CD72: variants seen among roughly 807,000 people sequenced by gnomAD.
CD72 encodes the protein CD72 molecule.
In CD72, 28 loss-of-function variants were observed where a neutral mutation model predicts 50.7. The ratio of observed to expected loss-of-function variants is 0.55; its 90% confidence interval spans 0.41 to 0.76. The LOEUF is 0.76. Among genes scored for constraint, CD72 ranks in the 30% least tolerant of loss-of-function variants. The pLI, the probability that CD72 is intolerant of heterozygous loss-of-function variation, is 0.00. For synonymous variants in CD72, 176 were observed against 171.2 expected (o/e 1.03, Z -0.22); for missense variants, 403 against 420.6 (o/e 0.96, Z 0.37).
intron 4 of CD72, 21 bp from the exon 5 acceptor site, chr9:35,616,299 G>C: frequency 6.3e-7 from 1 of 1,589,408 alleles, no homozygotes; most frequent in Non-Finnish European, 8.6e-7. Context: ...ACAGAGATTT[G>C]GTGGATGTCT....
At chr9:35,613,699 TA>T (rs1232935815) in intron 5 of CD72, among the ~76,000 whole-genome samples, 1 of 152,068 alleles carries the variant, frequency 6.6e-6, no homozygotes, top group African/African-American at 2.4e-5. Context: ...TATGGCAACT[TA>T]AAGGAATAAA....
At chr9:35,611,749 T>C in intron 7 of CD72, 55 bp downstream of exon 7, 1 of 930,064 alleles carries the variant, frequency 1.1e-6, no homozygotes, top group Non-Finnish European at 1.8e-6. Context: ...GATTACCATG[T>C]CTTTATGGAG....
chr9:35,624,700 C>G (rs890186471), intron 1 of CD72, among the ~76,000 whole-genome samples: 2 of 152,120 alleles, frequency 1.3e-5, no homozygotes, highest in Non-Finnish European at 2.9e-5. Flanking sequence ...TTATGGCAAC[C>G]CTGTGGCAAG....
At chr9:35,634,857 A>T (rs1823275088) in intron 1 of CD72, among the ~76,000 whole-genome samples, 1 of 152,138 alleles carries the variant, frequency 6.6e-6, no homozygotes, top group African/African-American at 2.4e-5. Flanking sequence ...TATTTAGCAT[A>T]TATGTTACAC....
chr9:35,610,513 TC>T, intron 8 of CD72, 88 bp downstream of exon 8: 1 of 900,844 alleles, frequency 1.1e-6, no homozygotes, highest in South Asian at 1.9e-5. Flanking sequence ...AAGTTTTCTC[TC>T]GGGCCCCTGG....
At chr9:35,611,762 G>T in intron 7 of CD72, 42 bp downstream of exon 7, 1 of 1,015,092 alleles carries the variant, frequency 9.9e-7, no homozygotes, top group Non-Finnish European at 1.6e-6. Flanking sequence ...TTATGGAGGG[G>T]ATTATGGAGT....
exon 1 of CD72, chr9:35,646,808 T>G (rs955115184): frequency 6.6e-6 from 1 of 152,282 alleles, no homozygotes; most frequent in African/African-American, 2.4e-5. Flanking sequence ...GGGCCCTCAC[T>G]GCGCGTCGTC....
intron 1 of CD72, among the ~76,000 whole-genome samples, chr9:35,633,251 A>G (rs190834656): frequency 5.0e-5 from 7 of 140,488 alleles, no homozygotes; most frequent in Non-Finnish European, 1.1e-4. Flanking sequence ...CCTTCTTAGT[A>G]TTTTTGTTTT....
chr9:35,624,355 T>A (rs930633179), upstream of CD72, among the ~76,000 whole-genome samples: 1 of 151,886 alleles, frequency 6.6e-6, no homozygotes, highest in Admixed American at 6.6e-5. Flanking sequence ...GACATCAGGA[T>A]GAGTTTATCA....
chr9:35,622,453 A>C (rs1052076118), upstream of CD72, among the ~76,000 whole-genome samples: 1 of 152,222 alleles, frequency 6.6e-6, no homozygotes, highest in African/African-American at 2.4e-5. Flanking sequence ...CAAGCCTTGC[A>C]ACAAGGCAAA....
upstream of CD72, among the ~76,000 whole-genome samples, chr9:35,623,499 T>A (rs1397009625): frequency 6.6e-6 from 1 of 152,218 alleles, no homozygotes; most frequent in East Asian, 1.9e-4. Context: ...TTGTGTTTTT[T>A]ATCCCATACT....
At chr9:35,624,223 TAATAATAATAATAATAATAATA>T (rs1823174347), upstream of CD72, among the ~76,000 whole-genome samples, 1 of 105,568 alleles carries the variant, frequency 9.5e-6, no homozygotes, top group South Asian at 2.6e-4. Flanking sequence ...AAAATAATAA[TAATAATAATAATAATAATAATA>T]ATAATAATAA....
At chr9:35,643,193 T>C (rs1326293875) in intron 1 of CD72, 1 of 152,276 alleles carries the variant, frequency 6.6e-6, no homozygotes, top group African/African-American at 2.4e-5. Flanking sequence ...GTGCCCTGTC[T>C]GTGTGGGCCC....
upstream of CD72, chr9:35,618,608 T>G (rs1248053348): frequency 1.6e-6 from 1 of 621,722 alleles, no homozygotes; most frequent in Non-Finnish European, 2.7e-6. Context: ...TTCCTCTCCA[T>G]GCATCTTAAA....
intron 1 of CD72, among the ~76,000 whole-genome samples, chr9:35,629,322 T>C (rs949177611): frequency 6.6e-6 from 1 of 152,186 alleles, no homozygotes; most frequent in African/African-American, 2.4e-5. Flanking sequence ...GAATTTTATT[T>C]TGAAACATTT....
chr9:35,623,479 G>A (rs780008682), upstream of CD72, among the ~76,000 whole-genome samples: 11 of 151,218 alleles, frequency 7.3e-5, no homozygotes, highest in Admixed American at 1.3e-4. Flanking sequence ...TTTTTGTTTT[G>A]TTTTTTACTT....
At chr9:35,618,507 C>A, upstream of CD72, 1 of 1,326,860 alleles carries the variant, frequency 7.5e-7, no homozygotes, top group South Asian at 1.3e-5. Context: ...AGAAGGCATC[C>A]CTGGGCCAGG....
At chr9:35,615,072 G>GGA (rs1213869424) in intron 5 of CD72, among the ~76,000 whole-genome samples, 1 of 152,174 alleles carries the variant, frequency 6.6e-6, no homozygotes, top group Non-Finnish European at 1.5e-5. Context: ...CAGAGTGGAA[G>GGA]TCTGAAACCA....
rs1212570299 is a variant in CD72 at position 35,618,228 on chromosome 9, C to A, written c.76G>T (p.Gly26Ter). The A allele has an allele frequency of 6.2e-7, 1 of 1,614,136 alleles. No individual in the cohort carries two copies. The highest frequency in any genetic ancestry group is 1.7e-5 in the Admixed American group (1 of 60,024). ...GAGGCCTCATCCCCCTTACCCTGTC[C>A]TAACCGGCTGGAGATGCTCTTCTTC... ...PLKKSISSRLGQDPGADDDGE... is the reference protein window; with the variant it reads ...PLKKSISSRL The change falls in exon 1 of 9, where the codon GGA becomes TGA. Residue 26 changes from glycine to a stop codon, truncating the protein, a stop_gained. Coordinates refer to ENST00000259633, the MANE Select transcript of CD72 (RefSeq NM_001782.3). LOFTEE classifies it high-confidence loss of function.
Sources: allele counts gnomAD v4.1 joint callset (sites outside exome capture counted in the v4.1 genomes callset), GRCh38; gene constraint gnomAD v4.1.1; transcripts MANE v1.5; gene names NCBI Gene and HGNC (gene_info 2026-07-23, HGNC 2026-07-21).